The following ZDHHC3 variants were observed in gnomAD, a reference collection of about 807,000 sequenced individuals.
The protein encoded by ZDHHC3 is palmitoyltransferase ZDHHC3.
Under a neutral mutation model 30.6 loss-of-function variants are expected in ZDHHC3, and 9 were observed. That is an observed-to-expected ratio of 0.29 (90% CI 0.18 to 0.51). The LOEUF (loss-of-function observed/expected upper bound fraction) is 0.51, where lower values mean the gene tolerates loss of function less well. Ranked by LOEUF, ZDHHC3 falls within the 20% of genes least tolerant of loss-of-function variation. ZDHHC3 has a pLI of 0.97. For synonymous variants in ZDHHC3, 136 were observed against 140.2 expected (o/e 0.97, Z 0.21); for missense variants, 246 against 384.2 (o/e 0.64, Z 3.01).
chr3:44,962,538 A>AG (rs1553693399), intron 1 of ZDHHC3, among the ~76,000 whole-genome samples: 1 of 146,832 alleles, frequency 6.8e-6, no homozygotes, highest in Non-Finnish European at 1.5e-5. Context: ...GAAGGAAGGA[A>AG]GGAAGGGGAG....
At chr3:44,935,308 C>A (rs1255304670) in intron 3 of ZDHHC3, among the ~76,000 whole-genome samples, 1 of 152,172 alleles carries the variant, frequency 6.6e-6, no homozygotes, top group East Asian at 1.9e-4. Flanking sequence ...TAGGATCTTC[C>A]TCTGTCACCC....
intron 5 of ZDHHC3, chr3:44,932,912 G>A (rs200698738): frequency 5.7e-5 from 92 of 1,614,072 alleles, no homozygotes; most frequent in Admixed American, 5.5e-4. Flanking sequence ...TTTACCTGTC[G>A]AACTGAAGTT....
intron 2 of ZDHHC3, among the ~76,000 whole-genome samples, chr3:44,951,570 T>C (rs547140737): frequency 6.6e-6 from 1 of 152,304 alleles, no homozygotes; most frequent in Non-Finnish European, 1.5e-5. Context: ...GTACCCACTG[T>C]CTTGGAAGAT....
At chr3:44,948,749 G>C (rs1373429771) in intron 2 of ZDHHC3, among the ~76,000 whole-genome samples, 1 of 152,162 alleles carries the variant, frequency 6.6e-6, no homozygotes, top group Non-Finnish European at 1.5e-5. Context: ...TCCTAGAGGT[G>C]GGCCTACAGA....
chr3:44,918,331 T>C lies in ZDHHC3; in HGVS notation c.*8358A>G. ...ACCCCCGGGAGGTCCCTCAGAGGAC[T>C]GCTGGGGTGTGGGTGGACAGCAGCG... is the stretch of plus-strand genomic sequence containing the variant. On this transcript the variant is annotated 3_prime_UTR_variant, in exon 7 of 7. Transcript: ENST00000424952. 1.0e-6 allele frequency: 1 copy of C among 985,330 alleles called. No homozygotes were observed. Among genetic ancestry groups the C allele is most frequent in the Non-Finnish European group, 1.2e-6 (1 of 829,888 alleles). 61.0% of individuals were successfully genotyped at this position (985,330 alleles called of 1,614,324 possible).
intron 6 of ZDHHC3, among the ~76,000 whole-genome samples, chr3:44,929,034 G>A (rs1310399786): frequency 6.6e-6 from 1 of 152,238 alleles, no homozygotes; most frequent in African/African-American, 2.4e-5. Context: ...CTGCCATGGG[G>A]GGGATGGAAG....
chr3:44,960,691 C>T (rs1307673698), intron 1 of ZDHHC3, among the ~76,000 whole-genome samples: 1 of 152,228 alleles, frequency 6.6e-6, no homozygotes, highest in Non-Finnish European at 1.5e-5. Context: ...CCACTCATAG[C>T]ACAGGCTACA....
Position 44,959,961 on chromosome 3 carries a change from C to G in ZDHHC3, c.-24-501G>C, listed in dbSNP as rs1704329532. Among the ~76,000 whole-genome samples the G allele has an allele frequency of 1.3e-5, 2 of 152,176 alleles. No individual in the cohort carries two copies. On this transcript the variant is annotated intron_variant, in intron 1 of 6. Coordinates refer to ENST00000424952, the MANE Select transcript of ZDHHC3 (RefSeq NM_001135179.2). The surrounding 1 kb of genome is among the most constrained non-coding windows in gnomAD (Gnocchi z 4.3). ...ATTTTTTTGTAGAGATGGGGTTTTG[C>G]CATGTTGCCCAGGCTGATCTCAAAC...
At chr3:44,974,773 G>A (rs1395916388) in intron 1 of ZDHHC3, among the ~76,000 whole-genome samples, 1 of 152,182 alleles carries the variant, frequency 6.6e-6, no homozygotes, top group Non-Finnish European at 1.5e-5. Flanking sequence ...CAATTTTGGA[G>A]CTCAGCAGTT....
chr3:44,967,542 A>C (rs943302630), intron 1 of ZDHHC3, among the ~76,000 whole-genome samples: 4 of 152,076 alleles, frequency 2.6e-5, no homozygotes, highest in Non-Finnish European at 4.4e-5. Context: ...AATTGGGGGA[A>C]AAAAAAGACA....
At position 44,929,421 on chromosome 3, in the gene ZDHHC3, GAGA is replaced by G. The variant is rs747999648; in HGVS notation, c.623_625del (p.Phe208del). On this transcript the variant is annotated inframe_deletion, in exon 6 of 7. Coordinates refer to ENST00000424952, the MANE Select transcript of ZDHHC3 (RefSeq NM_001135179.2). ...AAGGAGAATCACTGTGGTGGGTGGA[GAGA>G]AGGAGCTGCACTCTGAAAGAGAAGC... 6.2e-6 allele frequency: 10 copies of G among 1,613,962 alleles called. No homozygotes were observed. The highest frequency in any genetic ancestry group is 1.3e-5 in the African/African-American group (1 of 74,946).
At position 44,922,185 on chromosome 3, in the gene ZDHHC3, A is replaced by C. The variant is rs1321136509; in HGVS notation, c.*4504T>G. On this transcript the variant is annotated 3_prime_UTR_variant, in exon 7 of 7. Transcript: ENST00000424952. ...CCTAAGCCAGATACATATTTAAAGA[A>C]TACAAGAAAAAGCCACATGGGTGTT... 1.0e-6 allele frequency: 1 copy of C among 985,358 alleles called. No homozygotes were observed. The highest frequency in any genetic ancestry group is 1.7e-5 in the African/African-American group (1 of 57,254). The allele number at this position is 985,358 out of a possible 1,614,324, so 61.0% of individuals were successfully genotyped here. A position where few individuals can be genotyped will look rare whatever the true frequency, so the allele number is the denominator to read the frequency against.
Position 44,915,943 on chromosome 3 carries a change from G to A in ZDHHC3, c.*10746C>T, listed in dbSNP as rs1045154230. 1 of 152,194 alleles carries A rather than the reference G, an allele frequency of 6.6e-6. No homozygotes were observed. Among genetic ancestry groups the A allele is most frequent in the African/African-American group, 2.4e-5 (1 of 41,432 alleles). The allele number at this position is 152,194 out of a possible 1,614,324, so 9.4% of individuals were successfully genotyped here. On this transcript the variant is annotated 3_prime_UTR_variant, in exon 7 of 7. Transcript: ENST00000424952. ...TCCTGGCAGCCCAGAGCTGCTTCTG[G>A]GTTAGGACAACAAATAGGGGGCCCT...
Position 44,922,991 on chromosome 3 carries a change from C to T in ZDHHC3, c.*3698G>A, listed in dbSNP as rs185819573. The stretch of plus-strand genomic sequence containing the variant: ...GTCTTGAAAAGAGAGAAATTTAAAA[C>T]CCATTAGCCTGGCTGAGAAAGCCCA... On this transcript the variant is annotated 3_prime_UTR_variant, in exon 7 of 7. Coordinates refer to ENST00000424952, the MANE Select transcript of ZDHHC3 (RefSeq NM_001135179.2). The T allele has an allele frequency of 2.4e-4, 236 of 985,368 alleles. 3 individuals carry two copies. The African/African-American group carries it at 4.0e-3, about 17-fold the overall frequency. The allele number at this position is 985,368 out of a possible 1,614,324, so 61.0% of individuals were successfully genotyped here.
At chr3:44,955,144 G>A (rs967258710) in intron 2 of ZDHHC3, among the ~76,000 whole-genome samples, 9 of 152,204 alleles carry the variant, frequency 5.9e-5, no homozygotes, top group Admixed American at 1.3e-4. Flanking sequence ...CAGCCTGCCT[G>A]TCAAGTGAGG....
chr3:44,924,226 G>A lies in ZDHHC3; in HGVS notation c.*2463C>T. ...CTTTCATTACATCCGGAAATACTGAGGAGAGCTCAGGGATGCTTTCCCTTC... is the reference window on the plus strand; with the variant it reads ...CTTTCATTACATCCGGAAATACTGAAGAGAGCTCAGGGATGCTTTCCCTTC... On this transcript the variant is annotated 3_prime_UTR_variant, in exon 7 of 7. Transcript: ENST00000424952. 1 of 985,470 alleles carries A rather than the reference G, an allele frequency of 1.0e-6. No individual in the cohort carries two copies. The allele number at this position is 985,470 out of a possible 1,614,324, so 61.0% of individuals were successfully genotyped here.
intron 1 of ZDHHC3, among the ~76,000 whole-genome samples, chr3:44,965,011 A>G (rs912369319): frequency 6.6e-6 from 1 of 152,172 alleles, no homozygotes; most frequent in African/African-American, 2.4e-5. Flanking sequence ...AAACGGATCC[A>G]CAGGCCCAGA....
rs938446947 is a variant in ZDHHC3, at chr3:44,934,074, C to T, written c.432-90G>A. 3 of 1,282,296 alleles carry T rather than the reference C, an allele frequency of 2.3e-6. No homozygotes were observed. The African/African-American group carries it at 4.4e-5, about 19-fold the overall frequency. 79.4% of individuals were successfully genotyped at this position (1,282,296 alleles called of 1,614,324 possible). A position where few individuals can be genotyped will look rare whatever the true frequency, so the allele number is the denominator to read the frequency against. On this transcript the variant is annotated intron_variant, in intron 3 of 6. Transcript: ENST00000424952. Reference sequence around the variant, plus strand: ...CGCAGAACCCATGGCTCCTGCTCCACTCCTCTGAAATGGCTTCCTTGGGCA... The same window carrying T: ...CGCAGAACCCATGGCTCCTGCTCCATTCCTCTGAAATGGCTTCCTTGGGCA...
At chr3:44,948,070 T>C (rs1257230875) in intron 2 of ZDHHC3, among the ~76,000 whole-genome samples, 2 of 152,170 alleles carry the variant, frequency 1.3e-5, no homozygotes, top group African/African-American at 4.8e-5. Flanking sequence ...CACTCCTCAG[T>C]AGGCACCCAT....
Sources: gnomAD v4.1 joint callset for allele counts (sites outside exome capture counted in the v4.1 genomes callset) on GRCh38, gnomAD v4.1.1 for gene constraint, Gnocchi (gnomAD v3.1) non-coding constraint, MANE v1.5 for transcripts, NCBI Gene and HGNC (gene_info 2026-07-23, HGNC 2026-07-21) for gene names.